MACROD2: variants seen among roughly 807,000 people sequenced by gnomAD.
The protein encoded by MACROD2 is ADP-ribose glycohydrolase MACROD2.
A neutral mutation model predicts 70.4 loss-of-function variants in MACROD2; 36 were observed. That is an observed-to-expected ratio of 0.51 (90% CI 0.39 to 0.68). MACROD2 has a LOEUF of 0.68. Ranked by LOEUF, MACROD2 falls within the 30% of genes least tolerant of loss-of-function variation. The pLI, the probability that MACROD2 is intolerant of heterozygous loss-of-function variation, is 0.00. For synonymous variants in MACROD2, 172 were observed against 178.8 expected, an observed-to-expected ratio of 0.96 and a Z score of 0.30; for missense variants, 496 against 538.4, an observed-to-expected ratio of 0.92 and a Z score of 0.78.
intron 8 of MACROD2, among the ~76,000 whole-genome samples, chr20:15,506,375 C>T (rs1446968717): frequency 6.6e-6 from 1 of 152,194 alleles, no homozygotes; most frequent in African/African-American, 2.4e-5. Context: ...CGTCCAGCCT[C>T]CTGAGTGGTT....
At chr20:15,208,834 G>T (rs905280795) in intron 5 of MACROD2, among the ~76,000 whole-genome samples, 12 of 152,276 alleles carry the variant, frequency 7.9e-5, no homozygotes, top group Middle Eastern at 3.4e-3. Flanking sequence ...AGCTTCCTAT[G>T]TGGTCTGCTC....
chr20:14,619,079 T>C (rs1272787751), intron 4 of MACROD2, among the ~76,000 whole-genome samples: 1 of 152,064 alleles, frequency 6.6e-6, no homozygotes, highest in Non-Finnish European at 1.5e-5. Context: ...TCCAAGGGAT[T>C]GGAAAAAGCA....
intron 15 of MACROD2, among the ~76,000 whole-genome samples, chr20:16,003,877 G>A (rs1226956026): frequency 2.0e-5 from 3 of 152,082 alleles, no homozygotes. Context: ...CACCATGTTG[G>A]CCAGGCTGGT....
chr20:14,101,993 CTTTTTTTT>C (rs66890047), intron 3 of MACROD2, among the ~76,000 whole-genome samples: 2 of 25,050 alleles, frequency 8.0e-5, no homozygotes, highest in Admixed American at 1.5e-3. Context: ...TTTAATGAGT[CTTTTTTTT>C]TTTTTTTTTT....
intron 8 of MACROD2, among the ~76,000 whole-genome samples, chr20:15,641,431 C>T (rs1342721553): frequency 6.6e-6 from 1 of 152,170 alleles, no homozygotes; most frequent in East Asian, 1.9e-4. Flanking sequence ...ATTCATGCCT[C>T]TATGGAGGAC....
chr20:14,438,054 C>T (rs1046946085), intron 3 of MACROD2, among the ~76,000 whole-genome samples: 6 of 152,064 alleles, frequency 3.9e-5, no homozygotes, highest in African/African-American at 1.4e-4. Context: ...TTTTGTTCAT[C>T]CTACATATTT....
At chr20:14,167,158 A>G (rs2055279917) in intron 3 of MACROD2, among the ~76,000 whole-genome samples, 1 of 151,906 alleles carries the variant, frequency 6.6e-6, no homozygotes, top group South Asian at 2.1e-4. Context: ...TCAGGAAGCT[A>G]GGTTTTTGTT....
chr20:14,896,006 T>A (rs2073823839), intron 5 of MACROD2, among the ~76,000 whole-genome samples: 2 of 152,162 alleles, frequency 1.3e-5, no homozygotes, highest in South Asian at 4.1e-4. Flanking sequence ...CAAGTAACAT[T>A]TGGAAATAGG....
intron 4 of MACROD2, among the ~76,000 whole-genome samples, chr20:14,662,898 T>G (rs1042746224): frequency 1.3e-5 from 2 of 151,630 alleles, no homozygotes; most frequent in Admixed American, 6.6e-5. Flanking sequence ...TGTAGATTAT[T>G]TTAACCATTG....
intron 8 of MACROD2, among the ~76,000 whole-genome samples, chr20:15,540,247 C>CT (rs1003532599): frequency 4.6e-5 from 7 of 152,306 alleles, no homozygotes; most frequent in African/African-American, 1.4e-4. Context: ...CAAACCGTGA[C>CT]TAGCCTTAAA....
chr20:14,648,621 C>CATATATATATATATATATAT (rs753035871), intron 4 of MACROD2, among the ~76,000 whole-genome samples: 129 of 148,732 alleles, frequency 8.7e-4, no homozygotes, highest in African/African-American at 2.7e-3. Flanking sequence ...TTTATTTAAA[C>CATATATATATATATATATAT]ATATATATAT....
At chr20:15,583,200 C>A (rs898966973) in intron 8 of MACROD2, among the ~76,000 whole-genome samples, 1 of 152,222 alleles carries the variant, frequency 6.6e-6, no homozygotes. Flanking sequence ...GCCTGTGCAC[C>A]TTGCCTACCT....
At chr20:15,803,547 A>G (rs1398764878) in intron 8 of MACROD2, among the ~76,000 whole-genome samples, 1 of 152,190 alleles carries the variant, frequency 6.6e-6, no homozygotes, top group East Asian at 1.9e-4. Context: ...GGGAAATAAC[A>G]TTAAAAATAA....
chr20:14,880,770 C>T (rs937344982), intron 5 of MACROD2, among the ~76,000 whole-genome samples: 1 of 152,218 alleles, frequency 6.6e-6, no homozygotes, highest in Non-Finnish European at 1.5e-5. Flanking sequence ...GTGGAACCGT[C>T]TAACTTATGC....
chr20:14,978,348 T>C (rs960893889), intron 5 of MACROD2, among the ~76,000 whole-genome samples: 5 of 150,314 alleles, frequency 3.3e-5, no homozygotes, highest in African/African-American at 9.8e-5. Flanking sequence ...ATCCCTAACA[T>C]AGAAGTAGTC....
intron 5 of MACROD2, among the ~76,000 whole-genome samples, chr20:14,922,959 A>T (rs1045854573): frequency 3.9e-5 from 6 of 152,204 alleles, no homozygotes; most frequent in Non-Finnish European, 8.8e-5. Flanking sequence ...AAGTGTTACA[A>T]ATATAAGCAG....
At chr20:14,549,810 G>A (rs1978535566) in intron 4 of MACROD2, among the ~76,000 whole-genome samples, 1 of 152,022 alleles carries the variant, frequency 6.6e-6, no homozygotes, top group Admixed American at 6.5e-5. Flanking sequence ...AAATATCACT[G>A]TGGTGAAATC....
intron 6 of MACROD2, among the ~76,000 whole-genome samples, chr20:15,329,205 A>C (rs1475753318): frequency 6.6e-6 from 1 of 152,080 alleles, no homozygotes; most frequent in East Asian, 1.9e-4. Flanking sequence ...TATTTTATGA[A>C]GTTTTCTCCA....
intron 3 of MACROD2, chr20:14,325,895 C>A: frequency 2.5e-6 from 4 of 1,613,916 alleles, no homozygotes; most frequent in Non-Finnish European, 3.4e-6. Context: ...GTAACCAGGG[C>A]CACAGCCCCA....
Sources: allele counts gnomAD v4.1 joint callset (sites outside exome capture counted in the v4.1 genomes callset), GRCh38; gene constraint gnomAD v4.1.1; transcripts MANE v1.5; gene names NCBI Gene and HGNC (gene_info 2026-07-23, HGNC 2026-07-21).